Variants in ATP13A4 observed in about 807,000 individuals in gnomAD.
The protein encoded by ATP13A4 is ATPase 13A4.
Under a neutral mutation model 142.5 loss-of-function variants are expected in ATP13A4, and 114 were observed. That is an observed-to-expected ratio of 0.80 (90% CI 0.69 to 0.93). The LOEUF (loss-of-function observed/expected upper bound fraction) is 0.93. Ranked by LOEUF, ATP13A4 falls within the 40% of genes least tolerant of loss-of-function variation. The probability of loss-of-function intolerance (pLI) is 0.00; values close to 1 mark genes in which losing one functional copy is unlikely to be tolerated. For synonymous variants in ATP13A4, 488 were observed against 514.8 expected (o/e 0.95, Z 0.70); for missense variants, 1,392 against 1,454.0 (o/e 0.96, Z 0.69).
At chr3:193,455,400 G>A (rs1316784426) in intron 16 of ATP13A4, among the ~76,000 whole-genome samples, 6 of 149,628 alleles carry the variant, frequency 4.0e-5, no homozygotes, top group Admixed American at 2.0e-4. Context: ...AAAAGAAGAC[G>A]TACATAAGAC....
chr3:193,539,862 C>T (rs1180501209), intron 1 of ATP13A4, among the ~76,000 whole-genome samples: 3 of 152,096 alleles, frequency 2.0e-5, no homozygotes, highest in Non-Finnish European at 4.4e-5. Context: ...TATTCTTTTG[C>T]TATTTTCAGT....
At chr3:193,486,340 A>C (rs1229919976) in intron 7 of ATP13A4, among the ~76,000 whole-genome samples, 1 of 152,230 alleles carries the variant, frequency 6.6e-6, no homozygotes, top group South Asian at 2.1e-4. Context: ...CATATTCTGC[A>C]AGAATGATGT....
chr3:193,410,897 TG>T, intron 28 of ATP13A4, 84 bp downstream of exon 28: 1 of 890,886 alleles, frequency 1.1e-6, no homozygotes, highest in South Asian at 1.4e-5. Flanking sequence ...TCAAAAATCA[TG>T]TCAATTGAAA....
In ATP13A4 at chr3:193,518,400, C is replaced by T. The variant is rs557914791; in HGVS notation, c.61-3529G>A. ...AACCTTTTTATAAAGTTAAAAACTG[C>T]TAGCATTTCAATTATTTGGGGGATA... On this transcript the variant is annotated intron_variant, in intron 1 of 29. Transcript: ENST00000342695. Among the ~76,000 whole-genome samples the T allele has an allele frequency of 7.2e-5, 11 of 152,230 alleles. No individual in the cohort carries two copies. In the East Asian group the frequency reaches 2.1e-3, roughly 29 times the overall value.
chr3:193,411,354 G>T (rs762820976), intron 27 of ATP13A4, among the ~76,000 whole-genome samples: 20 of 152,126 alleles, frequency 1.3e-4, no homozygotes, highest in Admixed American at 6.6e-5. Context: ...TTCAATAAAT[G>T]CCTTGAAGAC....
rs567425342 is a variant in ATP13A4, at chr3:193,400,542, A to G, written c.*2110T>C. Among the ~76,000 whole-genome samples, 1 of 152,354 alleles carries G rather than the reference A, an allele frequency of 6.6e-6. No homozygotes were observed. The highest frequency in any genetic ancestry group is 1.9e-4 in the East Asian group (1 of 5,174). On this transcript the variant is annotated 3_prime_UTR_variant, in exon 30 of 30. Transcript: ENST00000342695. ...ATTCTTTGCTTGACTGTGAGATCAC[A>G]CTAAGCAACCTGCCCTGCTGGAACT...
At chr3:193,481,611 T>C (rs1381494876) in intron 8 of ATP13A4, among the ~76,000 whole-genome samples, 1 of 152,168 alleles carries the variant, frequency 6.6e-6, no homozygotes, top group Non-Finnish European at 1.5e-5. Context: ...GAATTTTGGC[T>C]TACAGAACTG....
rs1037950834 is a variant in ATP13A4 at position 193,400,999 on chromosome 3, C to G, written c.*1653G>C. Among the ~76,000 whole-genome samples the G allele has an allele frequency of 2.6e-5, 4 of 152,164 alleles. No individual in the cohort carries two copies. The highest frequency in any genetic ancestry group is 7.2e-5 in the African/African-American group (3 of 41,432). On this transcript the variant is annotated 3_prime_UTR_variant, in exon 30 of 30. Coordinates refer to ENST00000342695, the MANE Select transcript of ATP13A4 (RefSeq NM_032279.4). ...CTTGAAACACTAAAATATCTTCACG[C>G]CCTATTTTAAAACCAGAAGTAACAG...
At chr3:193,426,088 C>A (rs1715645115) in intron 25 of ATP13A4, among the ~76,000 whole-genome samples, 1 of 151,662 alleles carries the variant, frequency 6.6e-6, no homozygotes, top group African/African-American at 2.4e-5. Context: ...CATCTCTATG[C>A]ACTGATGACA....
chr3:193,462,682 T>A, intron 13 of ATP13A4, 80 bp downstream of exon 13: 1 of 1,370,018 alleles, frequency 7.3e-7, no homozygotes, highest in Non-Finnish European at 1.0e-6. Flanking sequence ...ATGTCTCCAT[T>A]CTTAATTTCA....
At chr3:193,496,110 T>C (rs1450624640) in intron 3 of ATP13A4, among the ~76,000 whole-genome samples, 2 of 152,210 alleles carry the variant, frequency 1.3e-5, no homozygotes, top group South Asian at 2.1e-4. Context: ...TTCTCATGGA[T>C]TGAAAGAACT....
intron 29 of ATP13A4, among the ~76,000 whole-genome samples, chr3:193,403,283 G>C (rs545417891): frequency 1.1e-3 from 169 of 152,064 alleles, no homozygotes; most frequent in African/African-American, 4.0e-3. Flanking sequence ...TAAAGATGTG[G>C]CCCATGTATG....
chr3:193,545,576 G>C (rs1475563101), intron 1 of ATP13A4, among the ~76,000 whole-genome samples: 1 of 152,158 alleles, frequency 6.6e-6, no homozygotes, highest in Non-Finnish European at 1.5e-5. Flanking sequence ...AAGTAGCTAT[G>C]AGCCAATTTG....
intron 8 of ATP13A4, among the ~76,000 whole-genome samples, chr3:193,483,553 C>T (rs1440566821): frequency 2.6e-5 from 4 of 152,150 alleles, no homozygotes; most frequent in East Asian, 1.9e-4. Flanking sequence ...CAAGCTCCGC[C>T]TCCCGGGTTC....
intron 2 of ATP13A4, among the ~76,000 whole-genome samples, chr3:193,569,879 G>A (rs193095166): frequency 1.3e-5 from 2 of 152,236 alleles, no homozygotes; most frequent in East Asian, 1.9e-4. Flanking sequence ...ATTAATGTAA[G>A]ATATTAACAA....
chr3:193,413,470 C>G (rs1714884351), intron 26 of ATP13A4, among the ~76,000 whole-genome samples: 1 of 152,232 alleles, frequency 6.6e-6, no homozygotes, highest in East Asian at 1.9e-4. Flanking sequence ...CAGGGTCAGG[C>G]AGAATAGAGC....
chr3:193,554,870 G>T lies in ATP13A4; in HGVS notation c.-71C>A. Reference sequence around the variant, plus strand: ...CTTCCAGGATGAACTCCAACTCGCCGAGCCACCGCAGCTCCTCAGCTGACT... The same window carrying T: ...CTTCCAGGATGAACTCCAACTCGCCTAGCCACCGCAGCTCCTCAGCTGACT... On this transcript the variant is annotated 5_prime_UTR_variant, in exon 1 of 30. Transcript: ENST00000342695. 6.2e-7 allele frequency: 1 copy of T among 1,612,856 alleles called. No homozygotes were observed. Among genetic ancestry groups the T allele is most frequent in the East Asian group, 2.2e-5 (1 of 44,866 alleles).
chr3:193,534,654 C>CA (rs1722499180), intron 1 of ATP13A4, among the ~76,000 whole-genome samples: 1 of 151,858 alleles, frequency 6.6e-6, no homozygotes, highest in Non-Finnish European at 1.5e-5. Context: ...AAAAATAGAA[C>CA]AAAAATAGTT....
At chr3:193,530,970 C>T (rs9850843) in intron 1 of ATP13A4, among the ~76,000 whole-genome samples, 1 of 151,994 alleles carries the variant, frequency 6.6e-6, no homozygotes, top group African/African-American at 2.4e-5. Context: ...TTCAGTTCCC[C>T]GAATGGAATG....
Sources: allele counts gnomAD v4.1 joint callset (sites outside exome capture counted in the v4.1 genomes callset), GRCh38; gene constraint gnomAD v4.1.1; transcripts MANE v1.5; gene names NCBI Gene and HGNC (gene_info 2026-07-23, HGNC 2026-07-21).